The following GSE1 variants were observed in gnomAD, a reference collection of about 807,000 sequenced individuals.
The protein encoded by GSE1 is genetic suppressor element 1.
GSE1 carries 32 observed loss-of-function variants against 112.6 expected under a neutral mutation model. That is an observed-to-expected ratio of 0.28 (90% CI 0.21 to 0.38). The LOEUF is 0.38. GSE1 is among the 10% of genes least tolerant of loss of function. The pLI, the probability that GSE1 is intolerant of heterozygous loss-of-function variation, is 1.00. For synonymous variants in GSE1, 1,115 were observed against 735.6 expected (o/e 1.52, Z -8.35); for missense variants, 2,348 against 1,699.2 (o/e 1.38, Z -6.71).
At chr16:85,197,395 G>A (rs554594038) in intron 1 of GSE1, among the ~76,000 whole-genome samples, 1 of 152,114 alleles carries the variant, frequency 6.6e-6, no homozygotes, top group African/African-American at 2.4e-5. Context: ...TCTTCCTCGG[G>A]GAATTTCTTA....
At position 85,246,200 on chromosome 16, in the gene GSE1, TACACACACACACAC is replaced by T. The variant is rs545313239; in HGVS notation, c.2283+74418_2283+74431del. On this transcript the variant is annotated intron_variant, in intron 1 of 2. Transcript: ENST00000637419. ...CAGGATGCCCCAGCTTCAGGGACCC[TACACACACACACAC>T]ACACACACACACACACACACACACG... Among the ~76,000 whole-genome samples, 65 of 89,118 alleles carry T rather than the reference TACACACACACACAC, an allele frequency of 7.3e-4. 4 individuals carry two copies. The East Asian group carries it at 0.018, about 25-fold the overall frequency. 58.5% of individuals were successfully genotyped at this position (89,118 alleles called of 152,430 possible).
intron 1 of GSE1, among the ~76,000 whole-genome samples, chr16:85,291,959 C>G (rs1252514612): frequency 6.6e-6 from 1 of 152,202 alleles, no homozygotes; most frequent in African/African-American, 2.4e-5. Flanking sequence ...CAGCCCTGCC[C>G]TTGACCCTGG....
intron 1 of GSE1, among the ~76,000 whole-genome samples, chr16:85,578,928 C>A (rs529097577): frequency 6.6e-6 from 1 of 152,038 alleles, no homozygotes; most frequent in African/African-American, 2.4e-5. Flanking sequence ...TAAGCTCCCC[C>A]CAGCACAGCG....
intron 2 of GSE1, among the ~76,000 whole-genome samples, chr16:85,524,248 G>T (rs2052289045): frequency 1.3e-5 from 2 of 152,174 alleles, no homozygotes; most frequent in African/African-American, 4.8e-5. Context: ...GGTGACGCGG[G>T]GTGGCGGGGA....
intron 12 of GSE1, among the ~76,000 whole-genome samples, chr16:85,665,334 A>AG (rs1445434230): frequency 6.6e-6 from 1 of 152,204 alleles, no homozygotes; most frequent in Non-Finnish European, 1.5e-5. Flanking sequence ...CTCAGAGTTG[A>AG]GGGGAGGGTC....
intron 2 of GSE1, among the ~76,000 whole-genome samples, chr16:85,646,973 C>T (rs988511576): frequency 7.2e-5 from 11 of 152,124 alleles, no homozygotes; most frequent in Non-Finnish European, 1.2e-4. Context: ...CCTTTGGACA[C>T]CCCCTACCCC....
At chr16:85,591,938 C>A (rs1469766831) in intron 1 of GSE1, among the ~76,000 whole-genome samples, 1 of 152,166 alleles carries the variant, frequency 6.6e-6, no homozygotes, top group Non-Finnish European at 1.5e-5. Context: ...CCACATGTGG[C>A]TATAGAGTGC....
rs1394255713 is a variant in GSE1, at chr16:85,327,440, TAAAAATAC to T, written c.2284-30016_2284-30009del. On this transcript the variant is annotated intron_variant, in intron 1 of 2. Transcript: ENST00000637419. ...CAGCATGGTGAAACCCTGTCTCTTC[TAAAAATAC>T]AAAAATTAGCTGGGCATGGTGGCAC... Among the ~76,000 whole-genome samples, 7 of 152,162 alleles carry T rather than the reference TAAAAATAC, an allele frequency of 4.6e-5. No homozygotes were observed. In the East Asian group the frequency reaches 1.2e-3, roughly 25 times the overall value.
chr16:85,528,312 T>TTTTG (rs147087232), intron 2 of GSE1, among the ~76,000 whole-genome samples: 244 of 151,636 alleles, frequency 1.6e-3, no homozygotes, highest in African/African-American at 2.4e-3. Context: ...CTGGGGTTGT[T>TTTTG]TTTGTTTGTT....
At chr16:85,228,647 G>A (rs957573476) in intron 1 of GSE1, among the ~76,000 whole-genome samples, 5 of 152,184 alleles carry the variant, frequency 3.3e-5, no homozygotes, top group East Asian at 1.9e-4. Flanking sequence ...AACGGGTGCC[G>A]TTTTCCAGGC....
chr16:85,498,910 A>T (rs1238679123), intron 2 of GSE1, among the ~76,000 whole-genome samples: 1 of 152,252 alleles, frequency 6.6e-6, no homozygotes, highest in African/African-American at 2.4e-5. Context: ...CTGGGCTGAC[A>T]GGCCGTGAGC....
At chr16:85,648,302 C>A (rs890021909) in intron 2 of GSE1, among the ~76,000 whole-genome samples, 1 of 152,150 alleles carries the variant, frequency 6.6e-6, no homozygotes, top group Non-Finnish European at 1.5e-5. Flanking sequence ...GTGCTTTGTG[C>A]CACGTGAGCA....
At chr16:85,339,539 G>A (rs1218952113) in intron 1 of GSE1, among the ~76,000 whole-genome samples, 2 of 151,738 alleles carry the variant, frequency 1.3e-5, no homozygotes, top group Admixed American at 1.3e-4. Context: ...TTCAGGGAAG[G>A]CGGCAGTGAA....
chr16:85,310,429 C>G (rs932770637), intron 1 of GSE1, among the ~76,000 whole-genome samples: 1 of 152,164 alleles, frequency 6.6e-6, no homozygotes, highest in Non-Finnish European at 1.5e-5. Context: ...GCCTTCCTTT[C>G]ACAGTGGCTC....
At chr16:85,170,911 G>A (rs923779516) in exon 1 of GSE1, 17 of 985,612 alleles carry the variant, frequency 1.7e-5, no homozygotes, top group Non-Finnish European at 2.0e-5. Flanking sequence ...GGCCTCTAAG[G>A]GCAGGAGGCT....
At chr16:85,289,803 C>T (rs1472592359) in intron 1 of GSE1, among the ~76,000 whole-genome samples, 1 of 152,176 alleles carries the variant, frequency 6.6e-6, no homozygotes, top group African/African-American at 2.4e-5. Flanking sequence ...CTGGTTCAGC[C>T]TCTGGCTCAC....
intron 2 of GSE1, among the ~76,000 whole-genome samples, chr16:85,647,108 C>A (rs2050935848): frequency 1.3e-5 from 2 of 152,188 alleles, no homozygotes; most frequent in Admixed American, 1.3e-4. Flanking sequence ...GGCCTGGGAA[C>A]ACTCCTCCCC....
At chr16:85,565,051 C>G (rs948253590) in intron 1 of GSE1, among the ~76,000 whole-genome samples, 5 of 152,232 alleles carry the variant, frequency 3.3e-5, no homozygotes, top group African/African-American at 1.2e-4. Flanking sequence ...GCCGGTGACA[C>G]ATGAACTCGA....
chr16:85,430,240 G>A (rs765832600), intron 2 of GSE1, among the ~76,000 whole-genome samples: 60 of 152,346 alleles, frequency 3.9e-4, no homozygotes, highest in Middle Eastern at 3.4e-3. Context: ...GAAACAGATA[G>A]AATGCAGTGA....
Sources: gnomAD v4.1 joint callset for allele counts (sites outside exome capture counted in the v4.1 genomes callset) on GRCh38, gnomAD v4.1.1 for gene constraint, MANE v1.5 for transcripts, NCBI Gene and HGNC (gene_info 2026-07-23, HGNC 2026-07-21) for gene names.